Variants in NRG1 observed in about 807,000 individuals in gnomAD.
NRG1 encodes pro-neuregulin-1, membrane-bound isoform.
NRG1 carries 18 observed loss-of-function variants against 63.8 expected under a neutral mutation model. That is an observed-to-expected ratio of 0.28 (90% confidence interval 0.19 to 0.42). NRG1 has a LOEUF of 0.42. Ranked by LOEUF, NRG1 falls within the 10% of genes least tolerant of loss-of-function variation. NRG1 has a pLI of 1.00. For missense variants in NRG1, 762 were observed against 814.7 expected, an observed-to-expected ratio of 0.94 and a Z score of 0.79; for synonymous variants, 302 against 301.3, an observed-to-expected ratio of 1.00 and a Z score of -0.02.
At chr8:31,810,362 AC>A (rs1310356862) in intron 1 of NRG1, among the ~76,000 whole-genome samples, 1 of 152,036 alleles carries the variant, frequency 6.6e-6, no homozygotes, top group Non-Finnish European at 1.5e-5. Context: ...CAACAATAAC[AC>A]CCCTTATAAT....
chr8:32,416,317 CCCTT>C (rs58884716), intron 1 of NRG1, among the ~76,000 whole-genome samples: 30,302 of 145,726 alleles, frequency 0.21, 3,847 homozygotes, highest in East Asian at 0.73. Context: ...CTCCCTCCCT[CCCTT>C]CCTTCCTTAA....
chr8:32,469,343 CAT>C (rs1168923747), intron 1 of NRG1, among the ~76,000 whole-genome samples: 1 of 152,180 alleles, frequency 6.6e-6, no homozygotes, highest in African/African-American at 2.4e-5. Context: ...AAGGAGAAAT[CAT>C]AAAAACAAGC....
intron 1 of NRG1, among the ~76,000 whole-genome samples, chr8:32,120,582 C>T (rs544064145): frequency 6.6e-6 from 1 of 152,122 alleles, no homozygotes; most frequent in Admixed American, 6.6e-5. Context: ...AATGTTAAAA[C>T]TGAACAGTAG....
intron 1 of NRG1, among the ~76,000 whole-genome samples, chr8:32,183,938 C>A (rs1033820554): frequency 1.3e-5 from 2 of 152,092 alleles, no homozygotes; most frequent in African/African-American, 2.4e-5. Context: ...TTTCCTTTAA[C>A]CCTTGTGTAG....
At chr8:31,852,402 G>T (rs1273130460) in intron 1 of NRG1, among the ~76,000 whole-genome samples, 1 of 152,082 alleles carries the variant, frequency 6.6e-6, no homozygotes, top group Non-Finnish European at 1.5e-5. Context: ...CTGCATAAAT[G>T]TCTTCTTTTG....
intron 1 of NRG1, among the ~76,000 whole-genome samples, chr8:31,870,181 G>A (rs1034213568): frequency 6.6e-5 from 10 of 151,958 alleles, no homozygotes; most frequent in African/African-American, 9.7e-5. Context: ...CACTTATCTT[G>A]CAGAAGCAAG....
intron 1 of NRG1, among the ~76,000 whole-genome samples, chr8:31,924,264 T>C (rs1008881333): frequency 6.6e-6 from 1 of 151,538 alleles, no homozygotes; most frequent in Non-Finnish European, 1.5e-5. Context: ...CTGAGGCAGG[T>C]CGCTTGAACC....
chr8:32,574,123 G>A (rs1839173003), intron 1 of NRG1, among the ~76,000 whole-genome samples: 1 of 152,108 alleles, frequency 6.6e-6, no homozygotes, highest in African/African-American at 2.4e-5. Context: ...ACATGTGCGT[G>A]TGTCTTTATA....
chr8:32,742,756 T>A lies in NRG1; in HGVS notation c.691+23T>A. ...ACAGTACGTCCACTCCCTTTCTGTC[T>A]CTGCCTGAATAGGAGCATGCTCAGT... On this transcript the variant is annotated intron_variant, in intron 7 of 11. Transcript: ENST00000356819. The surrounding 1 kb of genome is among the most constrained non-coding windows in gnomAD (Gnocchi z 4.2). 1 of 1,613,762 alleles carries A rather than the reference T, an allele frequency of 6.2e-7. No individual in the cohort carries two copies. The highest frequency in any genetic ancestry group is 1.1e-5 in the South Asian group (1 of 91,080).
At chr8:31,773,075 T>A (rs993431928) in intron 1 of NRG1, among the ~76,000 whole-genome samples, 2 of 152,178 alleles carry the variant, frequency 1.3e-5, no homozygotes, top group African/African-American at 4.8e-5. Context: ...TGCAGAAAGG[T>A]TGGAAACCTG....
At chr8:31,958,164 T>C (rs975418708) in intron 1 of NRG1, among the ~76,000 whole-genome samples, 1 of 151,972 alleles carries the variant, frequency 6.6e-6, no homozygotes, top group African/African-American at 2.4e-5. Context: ...ACATGAAGAA[T>C]TGGCATACAT....
At chr8:32,477,305 T>C (rs1824652124) in intron 1 of NRG1, among the ~76,000 whole-genome samples, 1 of 152,024 alleles carries the variant, frequency 6.6e-6, no homozygotes, top group Non-Finnish European at 1.5e-5. Flanking sequence ...CGTATTCGCC[T>C]CTGTAAAGAA....
At chr8:32,194,660 C>T (rs1842801664) in intron 1 of NRG1, among the ~76,000 whole-genome samples, 1 of 152,104 alleles carries the variant, frequency 6.6e-6, no homozygotes, top group Non-Finnish European at 1.5e-5. Flanking sequence ...GAATGTGCTT[C>T]TCTATCGCTT....
At chr8:31,665,063 G>T (rs1806387016) in intron 1 of NRG1, among the ~76,000 whole-genome samples, 1 of 152,202 alleles carries the variant, frequency 6.6e-6, no homozygotes, top group Admixed American at 6.5e-5. Flanking sequence ...AGAGGCTGGA[G>T]GTGGACCTTC....
rs942673872 is a variant in NRG1 at position 32,052,172 on chromosome 8, G to T, written c.37+412741G>T. Among the ~76,000 whole-genome samples the T allele has an allele frequency of 3.3e-5, 5 of 151,980 alleles. No homozygotes were observed. In the South Asian group the frequency reaches 1.0e-3, roughly 31 times the overall value. Reference sequence around the variant, plus strand: ...AGACACAGGAGAGAATCTCAAAAGGGATATTAAGCTTCCATCTCTGTAAGA... The same window carrying T: ...AGACACAGGAGAGAATCTCAAAAGGTATATTAAGCTTCCATCTCTGTAAGA... On this transcript the variant is annotated intron_variant, in intron 1 of 10. Coordinates refer to the NRG1 transcript ENST00000519301.
At chr8:31,799,318 G>A (rs544925489) in intron 1 of NRG1, among the ~76,000 whole-genome samples, 1 of 152,116 alleles carries the variant, frequency 6.6e-6, no homozygotes, top group Non-Finnish European at 1.5e-5. Flanking sequence ...CTATATTAAT[G>A]ATCAGTTTTA....
chr8:32,196,268 G>A (rs986902856), intron 1 of NRG1, among the ~76,000 whole-genome samples: 21 of 151,992 alleles, frequency 1.4e-4, no homozygotes, highest in Non-Finnish European at 4.4e-5. Context: ...AGAGATCCCT[G>A]GTCTGGGGAG....
At chr8:32,627,387 C>G (rs2129543538) in intron 5 of NRG1, among the ~76,000 whole-genome samples, 1 of 152,236 alleles carries the variant, frequency 6.6e-6, no homozygotes, top group African/African-American at 2.4e-5. Context: ...ATCCTTGATA[C>G]AGAGATGGAT....
chr8:32,270,720 T>C (rs1851454095), intron 1 of NRG1, among the ~76,000 whole-genome samples: 1 of 152,138 alleles, frequency 6.6e-6, no homozygotes, highest in Non-Finnish European at 1.5e-5. Flanking sequence ...TATGCATCTC[T>C]TCCTCATATT....
Sources: gnomAD v4.1 joint callset for allele counts (sites outside exome capture counted in the v4.1 genomes callset) on GRCh38, gnomAD v4.1.1 for gene constraint, Gnocchi (gnomAD v3.1) non-coding constraint, MANE v1.5 for transcripts, NCBI Gene and HGNC (gene_info 2026-07-23, HGNC 2026-07-21) for gene names.